RNF13: variants seen among roughly 807,000 people sequenced by gnomAD.
The protein encoded by RNF13 is ring finger protein 13, also known as E3 ubiquitin-protein ligase RNF13.
In RNF13, 19 loss-of-function variants were observed where a neutral mutation model predicts 37.7. That is an observed-to-expected ratio of 0.50 (90% confidence interval 0.35 to 0.74). The LOEUF is 0.74. Ranked by LOEUF, RNF13 falls within the 30% of genes least tolerant of loss-of-function variation. The pLI, the probability that RNF13 is intolerant of heterozygous loss-of-function variation, is 0.01. For missense variants in RNF13, 375 were observed against 453.0 expected (o/e 0.83, Z 1.56); for synonymous variants, 144 against 157.8 (o/e 0.91, Z 0.65).
Position 149,899,482 on chromosome 3 carries a change from A to T in RNF13, c.410-2590A>T, listed in dbSNP as rs192625348. Among the ~76,000 whole-genome samples, 761 of 145,420 alleles carry T rather than the reference A, an allele frequency of 5.2e-3. 5 individuals are homozygous for T. The highest frequency in any genetic ancestry group is 0.02 in the African/African-American group (722 of 35,724). On this transcript the variant is annotated intron_variant, in intron 5 of 9. Coordinates refer to ENST00000392894, the MANE Select transcript of RNF13 (RefSeq NM_183381.3). ...TGAATGAATGAATGAATGAATAAAT[A>T]AAAAAAAATAAGTTTTAAACAGCTG...
rs145594968 is a variant in RNF13 at position 149,890,388 on chromosome 3, CT to C, written c.322-5077del. Among the ~76,000 whole-genome samples the C allele has an allele frequency of 7.2e-5, 11 of 151,958 alleles. 1 individual carries two copies. In the East Asian group the frequency reaches 1.2e-3, roughly 16 times the overall value. On this transcript the variant is annotated intron_variant, in intron 4 of 9. Transcript: ENST00000392894. The stretch of plus-strand genomic sequence containing the variant: ...CCTTCAGGGTACTGCACAGTCTGTC[CT>C]TTTTTTTCTCTCTCTTCTCACTTCT...
At chr3:149,928,066 C>T (rs573517075) in intron 8 of RNF13, among the ~76,000 whole-genome samples, 6 of 141,276 alleles carry the variant, frequency 4.2e-5, no homozygotes, top group African/African-American at 1.3e-4. Flanking sequence ...AATGGAAAAG[C>T]ATCCCACATT....
intron 1 of RNF13, among the ~76,000 whole-genome samples, chr3:149,827,964 A>T (rs1445815160): frequency 8.0e-5 from 12 of 149,466 alleles, no homozygotes; most frequent in Admixed American, 2.6e-4. Context: ...TTTTTTTTTT[A>T]AAGAAACAGT....
At chr3:149,842,641 G>A (rs957004722) in intron 1 of RNF13, among the ~76,000 whole-genome samples, 8 of 152,102 alleles carry the variant, frequency 5.3e-5, no homozygotes, top group African/African-American at 1.7e-4. Context: ...ACCTATAGGT[G>A]TAATTAAAGG....
intron 1 of RNF13, among the ~76,000 whole-genome samples, chr3:149,832,301 A>C (rs56027628): frequency 0.027 from 4,038 of 152,282 alleles, 69 homozygotes; most frequent in South Asian, 0.036. Flanking sequence ...CTGTTTCATG[A>C]GTGTTATTTG....
chr3:149,852,893 T>C (rs897319675), intron 3 of RNF13, among the ~76,000 whole-genome samples: 1 of 151,736 alleles, frequency 6.6e-6, no homozygotes, highest in Non-Finnish European at 1.5e-5. Flanking sequence ...TGTGTACATA[T>C]ATATATGTAC....
intron 1 of RNF13, among the ~76,000 whole-genome samples, chr3:149,825,424 G>A (rs995847194): frequency 3.3e-5 from 5 of 152,058 alleles, no homozygotes; most frequent in Admixed American, 1.3e-4. Context: ...TCGGCCTCCC[G>A]GAGTGTTGGG....
rs959676500 is a variant in RNF13 at position 149,877,027 on chromosome 3, G to T, written c.321+4873G>T. 2.0e-5 allele frequency among the ~76,000 whole-genome samples: 3 copies of T among 151,880 alleles called. No individual in the cohort carries two copies. In the South Asian group the frequency reaches 6.2e-4, roughly 32 times the overall value. ...ACTCCTGGCCTCAGGTGATCCACCC[G>T]CCTCGGCCTCTCAAAGTGCAGGGAT... is the stretch of plus-strand genomic sequence containing the variant. On this transcript the variant is annotated intron_variant, in intron 4 of 9. Coordinates refer to ENST00000392894, the MANE Select transcript of RNF13 (RefSeq NM_183381.3).
chr3:149,956,835 T>C (rs1384215637), intron 8 of RNF13, among the ~76,000 whole-genome samples: 1 of 152,130 alleles, frequency 6.6e-6, no homozygotes, highest in Non-Finnish European at 1.5e-5. Context: ...ACTACTGACA[T>C]TTAGATGGGG....
chr3:149,895,638 C>T (rs1010895399), intron 5 of RNF13, 78 bp downstream of exon 5: 27 of 1,007,236 alleles, frequency 2.7e-5, no homozygotes, highest in Non-Finnish European at 4.0e-5. Context: ...TTTTCCTTCT[C>T]TCATTTTCTT....
intron 4 of RNF13, among the ~76,000 whole-genome samples, chr3:149,877,397 A>G (rs1202972268): frequency 6.7e-6 from 1 of 149,812 alleles, no homozygotes; most frequent in Non-Finnish European, 1.5e-5. Flanking sequence ...CTCAATGTTT[A>G]TAGAATTTTT....
intron 1 of RNF13, among the ~76,000 whole-genome samples, chr3:149,816,490 A>G (rs1204661860): frequency 2.7e-5 from 4 of 148,780 alleles, no homozygotes; most frequent in Non-Finnish European, 4.4e-5. Context: ...CAGATGGCGT[A>G]TATGTTTAGT....
chr3:149,952,256 A>G (rs1721414855), intron 8 of RNF13, among the ~76,000 whole-genome samples: 1 of 152,036 alleles, frequency 6.6e-6, no homozygotes, highest in Non-Finnish European at 1.5e-5. Flanking sequence ...ATTTGTATGC[A>G]CTATTTAGAA....
intron 8 of RNF13, among the ~76,000 whole-genome samples, chr3:149,955,592 G>T (rs1275645798): frequency 6.6e-6 from 1 of 152,050 alleles, no homozygotes; most frequent in East Asian, 1.9e-4. Context: ...CAATTAAAAA[G>T]AATTCAGTAC....
chr3:149,908,180 G>A (rs1716626949), intron 6 of RNF13, among the ~76,000 whole-genome samples: 1 of 152,102 alleles, frequency 6.6e-6, no homozygotes. Context: ...ACTTTTATTA[G>A]GGAAGGCAAA....
At chr3:149,943,551 T>C (rs1559967393) in intron 8 of RNF13, among the ~76,000 whole-genome samples, 1 of 152,216 alleles carries the variant, frequency 6.6e-6, no homozygotes, top group Admixed American at 6.5e-5. Flanking sequence ...GCCCATAGTT[T>C]ACCTTAGCGT....
chr3:149,835,491 T>C (rs1721507145), intron 1 of RNF13, among the ~76,000 whole-genome samples: 1 of 152,106 alleles, frequency 6.6e-6, no homozygotes, highest in Non-Finnish European at 1.5e-5. Flanking sequence ...TCTCGTAGCT[T>C]AGCTCCCACT....
At chr3:149,851,850 C>G (rs889190026) in intron 2 of RNF13, among the ~76,000 whole-genome samples, 3 of 152,106 alleles carry the variant, frequency 2.0e-5, no homozygotes, top group African/African-American at 7.2e-5. Flanking sequence ...ATTATCATTA[C>G]TGTTATCTTC....
chr3:149,852,705 G>A (rs1385898006), intron 3 of RNF13, 109 bp downstream of exon 3: 1 of 496,296 alleles, frequency 2.0e-6, no homozygotes, highest in Non-Finnish European at 3.5e-6. Context: ...TTATTATAAA[G>A]CCTATATATA....
Sources: allele counts gnomAD v4.1 joint callset (sites outside exome capture counted in the v4.1 genomes callset), GRCh38; gene constraint gnomAD v4.1.1; transcripts MANE v1.5; gene names NCBI Gene and HGNC (gene_info 2026-07-23, HGNC 2026-07-21).